IL1RAPL1: variants seen among roughly 807,000 people sequenced by gnomAD.
IL1RAPL1 encodes the protein interleukin 1 receptor accessory protein like 1, also known as interleukin-1 receptor accessory protein-like 1.
IL1RAPL1 carries 3 observed loss-of-function variants against 48.4 expected under a neutral mutation model. The ratio of observed to expected loss-of-function variants is 0.06; its 90% CI spans 0.03 to 0.16. The LOEUF is 0.16. Among genes scored for constraint, IL1RAPL1 ranks in the 10% least tolerant of loss-of-function variants. The pLI is 1.00. For missense variants in IL1RAPL1, 349 were observed against 530.6 expected (o/e 0.66, Z 3.36); for synonymous variants, 185 against 187.7 (o/e 0.99, Z 0.12).
chrX:29,086,467 CA>C (rs1361079588), intron 2 of IL1RAPL1, among the ~76,000 whole-genome samples: 1 of 112,057 alleles, frequency 8.9e-6, no homozygotes, highest in Non-Finnish European at 1.9e-5. Context: ...TGAAATGTCT[CA>C]AAAAAGACTT....
chrX:28,643,996 T>C (rs146444899), intron 1 of IL1RAPL1, among the ~76,000 whole-genome samples: 1,680 of 111,953 alleles, frequency 0.015, 12 homozygotes, highest in Non-Finnish European at 0.022. Context: ...TGCCCTATTA[T>C]GGAAAATAGG....
chrX:29,567,255 C>T (rs780726994), intron 5 of IL1RAPL1, among the ~76,000 whole-genome samples: 6 of 110,564 alleles, frequency 5.4e-5, no homozygotes, highest in African/African-American at 2.0e-4. Context: ...CCAAGCTTCT[C>T]GTTAGCAAGG....
chrX:29,326,892 A>G (rs892396514), intron 3 of IL1RAPL1, among the ~76,000 whole-genome samples: 1 of 112,012 alleles, frequency 8.9e-6, no homozygotes, highest in African/African-American at 3.2e-5. Flanking sequence ...GTGGTTTTCC[A>G]TGTTTTCCTT....
chrX:29,042,204 A>G (rs370828076), intron 2 of IL1RAPL1, among the ~76,000 whole-genome samples: 24 of 112,059 alleles, frequency 2.1e-4, no homozygotes, highest in East Asian at 2.0e-3. Flanking sequence ...TATTCCATAG[A>G]GGCCCAATGA....
At chrX:29,588,251 G>T (rs73219669) in intron 5 of IL1RAPL1, among the ~76,000 whole-genome samples, 4,083 of 112,174 alleles carry the variant, frequency 0.036, 84 homozygotes, top group Non-Finnish European at 0.056. Flanking sequence ...TTGCACTGGA[G>T]ATTCAATGGG....
At chrX:29,621,452 T>C (rs1485024991) in intron 5 of IL1RAPL1, among the ~76,000 whole-genome samples, 2 of 111,048 alleles carry the variant, frequency 1.8e-5, no homozygotes, top group Admixed American at 1.9e-4. Flanking sequence ...CTGTATGTCA[T>C]GAGTATTTTT....
At chrX:29,010,021 T>C (rs903751651) in intron 2 of IL1RAPL1, among the ~76,000 whole-genome samples, 1 of 112,140 alleles carries the variant, frequency 8.9e-6, no homozygotes, top group Non-Finnish European at 1.9e-5. Context: ...GTAGCTATAG[T>C]AAATGGGATT....
At chrX:29,096,601 A>G (rs1928220074) in intron 2 of IL1RAPL1, among the ~76,000 whole-genome samples, 1 of 111,545 alleles carries the variant, frequency 9.0e-6, no homozygotes, top group Non-Finnish European at 1.9e-5. Context: ...AAAATAATCT[A>G]TTTAGGTCCT....
At chrX:28,714,265 C>G (rs376654608) in intron 1 of IL1RAPL1, among the ~76,000 whole-genome samples, 3 of 111,349 alleles carry the variant, frequency 2.7e-5, no homozygotes, top group East Asian at 5.7e-4. Flanking sequence ...TCCTTAGAGC[C>G]CAGACATCTT....
At chrX:29,475,487 T>G (rs1934963559) in intron 5 of IL1RAPL1, among the ~76,000 whole-genome samples, 1 of 112,248 alleles carries the variant, frequency 8.9e-6, no homozygotes, top group Admixed American at 9.4e-5. Flanking sequence ...GTTCTCCCTG[T>G]GAGCCTGTAG....
intron 3 of IL1RAPL1, among the ~76,000 whole-genome samples, chrX:29,314,328 G>T (rs959299485): frequency 8.9e-6 from 1 of 111,909 alleles, no homozygotes; most frequent in African/African-American, 3.2e-5. Context: ...GACAAGAATT[G>T]GTGGACCCAG....
intron 6 of IL1RAPL1, among the ~76,000 whole-genome samples, chrX:29,825,694 A>G (rs934776226): frequency 4.5e-5 from 5 of 112,068 alleles, no homozygotes; most frequent in Middle Eastern, 4.6e-3. Context: ...CAACTATTCA[A>G]TGGTACCAGA....
intron 2 of IL1RAPL1, among the ~76,000 whole-genome samples, chrX:28,834,597 CTAA>C (rs971656535): frequency 2.7e-5 from 3 of 111,029 alleles, no homozygotes; most frequent in Admixed American, 9.6e-5. Flanking sequence ...TGCTAAATGT[CTAA>C]TAATAATAGT....
intron 1 of IL1RAPL1, among the ~76,000 whole-genome samples, chrX:28,719,570 T>C (rs999169175): frequency 1.8e-5 from 2 of 110,625 alleles, no homozygotes; most frequent in Non-Finnish European, 1.9e-5. Flanking sequence ...GACATAAATA[T>C]TATAAATGGT....
intron 2 of IL1RAPL1, among the ~76,000 whole-genome samples, chrX:29,077,572 C>T (rs2147445133): frequency 9.7e-6 from 1 of 103,447 alleles, no homozygotes; most frequent in African/African-American, 3.6e-5. Context: ...CACTGCACTC[C>T]AGCCTGGGCA....
chrX:29,055,239 A>C (rs762532304), intron 2 of IL1RAPL1, among the ~76,000 whole-genome samples: 1 of 111,060 alleles, frequency 9.0e-6, no homozygotes, highest in East Asian at 2.8e-4. Flanking sequence ...CCCTCAGTGC[A>C]ATTTTTTTCC....
intron 3 of IL1RAPL1, among the ~76,000 whole-genome samples, chrX:29,380,014 C>T (rs781737874): frequency 2.7e-5 from 3 of 110,790 alleles, no homozygotes; most frequent in Non-Finnish European, 3.8e-5. Context: ...CAAATATAAG[C>T]GGTATTTGTC....
chrX:29,814,289 A>C (rs1199565117), intron 6 of IL1RAPL1, among the ~76,000 whole-genome samples: 1 of 111,486 alleles, frequency 9.0e-6, no homozygotes, highest in African/African-American at 3.3e-5. Flanking sequence ...GACTGGTGTG[A>C]AGTGGTACCT....
intron 2 of IL1RAPL1, among the ~76,000 whole-genome samples, chrX:29,075,774 G>A (rs1927656788): frequency 9.1e-6 from 1 of 110,253 alleles, no homozygotes; most frequent in African/African-American, 3.3e-5. Flanking sequence ...TATTAGAAAG[G>A]AAAAAAAATA....
Sources: gnomAD v4.1 joint callset for allele counts (sites outside exome capture counted in the v4.1 genomes callset) on GRCh38, gnomAD v4.1.1 for gene constraint, MANE v1.5 for transcripts, NCBI Gene and HGNC (gene_info 2026-07-23, HGNC 2026-07-21) for gene names.